Variants in SHISA6 observed in about 807,000 individuals in gnomAD.
The protein encoded by SHISA6 is protein shisa-6.
In SHISA6, 22 loss-of-function variants were observed where a neutral mutation model predicts 47.9. The observed-to-expected ratio is 0.46, with a 90% CI of 0.33 to 0.66. SHISA6 has a LOEUF of 0.66. Ranked by LOEUF, SHISA6 falls within the 30% of genes least tolerant of loss-of-function variation. SHISA6 has a pLI of 0.02. For missense variants in SHISA6, 680 were observed against 764.6 expected, an observed-to-expected ratio of 0.89 and a Z score of 1.30; for synonymous variants, 388 against 337.8, an observed-to-expected ratio of 1.15 and a Z score of -1.63.
chr17:11,264,501 A>G (rs1031757884), intron 2 of SHISA6, among the ~76,000 whole-genome samples: 3 of 152,226 alleles, frequency 2.0e-5, no homozygotes, highest in Non-Finnish European at 4.4e-5. Context: ...AGTCTCCTTA[A>G]CAAGTACAGC....
Position 11,275,530 on chromosome 17 carries a change from A to T in SHISA6, c.799+12004A>T, listed in dbSNP as rs571654956. 8.0e-4 allele frequency among the ~76,000 whole-genome samples: 122 copies of T among 152,320 alleles called. 1 individual carries two copies. The highest frequency in any genetic ancestry group is 3.4e-3 in the Middle Eastern group (1 of 294). The stretch of plus-strand genomic sequence containing the variant: ...AAGTCCCTAGTCTCATGGTGTTTAC[A>T]TTCAGCTGGAGGAGGCAGAAAATAA... On this transcript the variant is annotated intron_variant, in intron 2 of 5. Coordinates refer to ENST00000441885, the MANE Select transcript of SHISA6 (RefSeq NM_207386.4).
At chr17:11,301,926 A>G (rs938728036) in intron 2 of SHISA6, among the ~76,000 whole-genome samples, 1 of 152,216 alleles carries the variant, frequency 6.6e-6, no homozygotes, top group Non-Finnish European at 1.5e-5. Flanking sequence ...ACAGTTCCAC[A>G]TGGCTGGGAA....
chr17:11,537,717 A>T (rs1216097275), intron 3 of SHISA6, among the ~76,000 whole-genome samples: 1 of 152,182 alleles, frequency 6.6e-6, no homozygotes, highest in Non-Finnish European at 1.5e-5. Flanking sequence ...TCAAGAGTTG[A>T]TTCATTTACT....
At chr17:11,427,444 A>G (rs112463120) in intron 3 of SHISA6, among the ~76,000 whole-genome samples, 37 of 151,722 alleles carry the variant, frequency 2.4e-4, no homozygotes, top group African/African-American at 8.2e-4. Context: ...TTCCTCTTTC[A>G]TATCTTTTCC....
chr17:11,411,126 G>A (rs1294003813), intron 3 of SHISA6, among the ~76,000 whole-genome samples: 6 of 149,076 alleles, frequency 4.0e-5, no homozygotes, highest in Admixed American at 3.3e-4. Flanking sequence ...CTGCCGCCAC[G>A]CCCGGCTAAT....
intron 1 of SHISA6, among the ~76,000 whole-genome samples, chr17:11,257,384 G>A (rs1005611067): frequency 1.1e-4 from 17 of 152,148 alleles, no homozygotes; most frequent in Admixed American, 3.3e-4. Flanking sequence ...CACAGGGGCG[G>A]ATGTAGTGGC....
At chr17:11,408,606 G>A (rs34307374) in intron 3 of SHISA6, among the ~76,000 whole-genome samples, 58,141 of 151,860 alleles carry the variant, frequency 0.38, 11,362 homozygotes, top group Middle Eastern at 0.45. Context: ...GTTCTGTAGC[G>A]GGCATGAAGT....
At chr17:11,292,480 T>C (rs545273428) in intron 2 of SHISA6, among the ~76,000 whole-genome samples, 3 of 152,166 alleles carry the variant, frequency 2.0e-5, no homozygotes, top group South Asian at 4.2e-4. Flanking sequence ...TTTAAAAATA[T>C]ACGAATTTGG....
Position 11,241,449 on chromosome 17 carries a change from G to C in SHISA6, c.27G>C (p.Leu9=). MALRRLLL[L]LLLSLESLDL... ...TGGCGCTGCGGCGCCTCCTGCTGCT[G>C]CTGCTGCTCTCGCTGGAGTCCCTGG... Residue 9 remains leucine, a synonymous_variant, in exon 1 of 6, where the codon CTG becomes CTC. Coordinates refer to ENST00000441885, the MANE Select transcript of SHISA6 (RefSeq NM_207386.4). This position sits in a 1 kb window ranked among gnomAD's most constrained non-coding sequence, Gnocchi z 5.5. 8.3e-7 allele frequency: 1 copy of C among 1,204,878 alleles called. No homozygotes were observed. The highest frequency in any genetic ancestry group is 6.3e-5 in the East Asian group (1 of 15,902). 74.6% of individuals were successfully genotyped at this position (1,204,878 alleles called of 1,614,324 possible).
intron 3 of SHISA6, among the ~76,000 whole-genome samples, chr17:11,486,364 C>G (rs959075510): frequency 6.6e-6 from 1 of 152,220 alleles, no homozygotes; most frequent in African/African-American, 2.4e-5. Context: ...GCACTGTGAG[C>G]CCTCCGGGGC....
Position 11,319,110 on chromosome 17 carries a change from G to A in SHISA6, c.799+55584G>A, listed in dbSNP as rs932808143. Among the ~76,000 whole-genome samples, 8 of 138,750 alleles carry A rather than the reference G, an allele frequency of 5.8e-5. No homozygotes were observed. In the South Asian group the frequency reaches 1.3e-3, roughly 23 times the overall value. The allele number at this position is 138,750 out of a possible 152,430, so 91.0% of individuals were successfully genotyped here. A position where few individuals can be genotyped will look rare whatever the true frequency, so the allele number is the denominator to read the frequency against. On this transcript the variant is annotated intron_variant, in intron 2 of 5. Coordinates refer to ENST00000441885, the MANE Select transcript of SHISA6 (RefSeq NM_207386.4). ...TTTTTTTTCCTTGAGATGGAGTCTC[G>A]CTCTGTCACCCAGGCTGGAGTGTAA...
chr17:11,321,183 C>G (rs770171180), intron 2 of SHISA6, among the ~76,000 whole-genome samples: 16 of 152,148 alleles, frequency 1.1e-4, no homozygotes, highest in Admixed American at 9.2e-4. Context: ...CCATGCATCA[C>G]TTTTATAGTT....
chr17:11,385,611 G>A (rs866117221), intron 3 of SHISA6, among the ~76,000 whole-genome samples: 4 of 152,254 alleles, frequency 2.6e-5, no homozygotes, highest in Middle Eastern at 3.4e-3. Flanking sequence ...ACTCTTGGTT[G>A]GGGATAGAAG....
chr17:11,443,547 T>C (rs936626646), intron 3 of SHISA6, among the ~76,000 whole-genome samples: 11 of 152,320 alleles, frequency 7.2e-5, no homozygotes, highest in South Asian at 6.2e-4. Context: ...AGTAGAGGCA[T>C]GGTTGTAGAC....
chr17:11,291,635 A>AAAC (rs796809748), intron 2 of SHISA6, among the ~76,000 whole-genome samples: 1,550 of 151,860 alleles, frequency 0.01, 22 homozygotes, highest in African/African-American at 0.031. Flanking sequence ...CTCTGTCTCA[A>AAAC]AACAACAACA....
intron 3 of SHISA6, among the ~76,000 whole-genome samples, chr17:11,430,701 G>A (rs1048660421): frequency 5.9e-5 from 9 of 152,080 alleles, no homozygotes; most frequent in South Asian, 4.1e-4. Context: ...CCTACCAACC[G>A]ACTTCTATTT....
chr17:11,336,523 C>G (rs1436532927), intron 2 of SHISA6, among the ~76,000 whole-genome samples: 2 of 152,128 alleles, frequency 1.3e-5, no homozygotes, highest in African/African-American at 4.8e-5. Flanking sequence ...TCCTCACCTG[C>G]CGCCCCTGGC....
At chr17:11,434,994 G>A (rs896570109) in intron 3 of SHISA6, among the ~76,000 whole-genome samples, 1 of 152,144 alleles carries the variant, frequency 6.6e-6, no homozygotes, top group African/African-American at 2.4e-5. Context: ...AAAAGTGATA[G>A]TATTAAGAGA....
intron 3 of SHISA6, among the ~76,000 whole-genome samples, chr17:11,541,705 T>C (rs1861573): frequency 0.47 from 71,881 of 152,026 alleles, 18,700 homozygotes; most frequent in African/African-American, 0.69. Context: ...AAAATGTATT[T>C]GGAATTTTAC....
Sources: gnomAD v4.1 joint callset for allele counts (sites outside exome capture counted in the v4.1 genomes callset) on GRCh38, gnomAD v4.1.1 for gene constraint, Gnocchi (gnomAD v3.1) non-coding constraint, MANE v1.5 for transcripts, NCBI Gene and HGNC (gene_info 2026-07-23, HGNC 2026-07-21) for gene names.